Variants in UROS observed in about 807,000 individuals in gnomAD.
UROS encodes the protein uroporphyrinogen III synthase.
UROS carries 18 observed loss-of-function variants against 33.0 expected under a neutral mutation model. The ratio of observed to expected loss-of-function variants is 0.55; its 90% confidence interval spans 0.38 to 0.81. The LOEUF (loss-of-function observed/expected upper bound fraction) is 0.81, where lower values mean the gene tolerates loss of function less well. Among genes scored for constraint, UROS ranks in the 30% least tolerant of loss-of-function variants. UROS has a pLI of 0.00. For missense variants in UROS, 293 were observed against 314.9 expected, an observed-to-expected ratio of 0.93 and a Z score of 0.53; for synonymous variants, 114 against 121.1, an observed-to-expected ratio of 0.94 and a Z score of 0.38.
At chr10:125,785,121 A>C (rs1373131505), downstream of UROS, 4 of 152,266 alleles carry the variant, frequency 2.6e-5, no homozygotes, top group Non-Finnish European at 5.9e-5. Context: ...ACAAGATAGA[A>C]GTCGATATGT....
intron 6 of UROS, among the ~76,000 whole-genome samples, chr10:125,804,352 G>C (rs1348296436): frequency 3.3e-5 from 5 of 152,176 alleles, no homozygotes; most frequent in Non-Finnish European, 4.4e-5. Flanking sequence ...CCAACTCCAT[G>C]GGGGAAGAAG....
intron 5 of UROS, among the ~76,000 whole-genome samples, chr10:125,810,325 CGACAGGG>C (rs1399221684): frequency 6.6e-6 from 1 of 152,132 alleles, no homozygotes; most frequent in African/African-American, 2.4e-5. Flanking sequence ...GATTGCCTTG[CGACAGGG>C]GACGCCAGCT....
chr10:125,807,382 G>A, intron 6 of UROS, 31 bp downstream of exon 6: 1 of 1,589,916 alleles, frequency 6.3e-7, no homozygotes, highest in Non-Finnish European at 8.6e-7. Context: ...AAAATAAATG[G>A]CTTCATTTGG....
intron 1 of UROS, among the ~76,000 whole-genome samples, chr10:125,822,099 C>T (rs1003409216): frequency 6.6e-6 from 1 of 152,180 alleles, no homozygotes; most frequent in African/African-American, 2.4e-5. Context: ...ACCCACCCCC[C>T]TCATTTTACA....
intron 1 of UROS, among the ~76,000 whole-genome samples, chr10:125,821,060 G>T (rs371831842): frequency 4.6e-5 from 7 of 152,138 alleles, no homozygotes; most frequent in African/African-American, 1.7e-4. Flanking sequence ...TGAAAGATTT[G>T]CAAACTACAA....
intron 9 of UROS, chr10:125,792,750 G>A (rs913181001): frequency 6.6e-6 from 1 of 152,346 alleles, no homozygotes; most frequent in Non-Finnish European, 1.5e-5. Flanking sequence ...GACTCCTGGG[G>A]AGGGAGGACA....
At chr10:125,810,280 C>T (rs1852690083) in intron 5 of UROS, among the ~76,000 whole-genome samples, 1 of 152,202 alleles carries the variant, frequency 6.6e-6, no homozygotes, top group African/African-American at 2.4e-5. Flanking sequence ...AAGACTGTGG[C>T]TTCAGTGGTA....
chr10:125,794,807 C>A, intron 9 of UROS, 73 bp downstream of exon 9: 1 of 1,425,230 alleles, frequency 7.0e-7, no homozygotes, highest in Admixed American at 1.9e-5. Flanking sequence ...CATTGAAGCC[C>A]TAGGATAATT....
intron 6 of UROS, among the ~76,000 whole-genome samples, chr10:125,799,002 C>T (rs1336611307): frequency 2.6e-5 from 4 of 152,260 alleles, no homozygotes; most frequent in Middle Eastern, 3.4e-3. Flanking sequence ...TTTTAATGGG[C>T]GTTATTCATA....
At chr10:125,789,941 T>G (rs866605450) in intron 9 of UROS, among the ~76,000 whole-genome samples, 15 of 152,342 alleles carry the variant, frequency 9.8e-5, no homozygotes, top group Middle Eastern at 3.4e-3. Flanking sequence ...GCATTGAGAC[T>G]GTGGACCCCA....
chr10:125,817,851 G>C (rs538068410), intron 1 of UROS, among the ~76,000 whole-genome samples: 67 of 152,178 alleles, frequency 4.4e-4, no homozygotes, highest in African/African-American at 1.6e-3. Flanking sequence ...CATACACTTT[G>C]AATACGAAAA....
chr10:125,806,295 A>G (rs1852326252), intron 6 of UROS, among the ~76,000 whole-genome samples: 1 of 152,164 alleles, frequency 6.6e-6, no homozygotes, highest in Non-Finnish European at 1.5e-5. Flanking sequence ...TTCAGAAGCC[A>G]TAAAGAGACC....
intron 1 of UROS, among the ~76,000 whole-genome samples, chr10:125,818,346 A>G (rs1853541158): frequency 6.6e-6 from 1 of 152,072 alleles, no homozygotes; most frequent in Non-Finnish European, 1.5e-5. Context: ...GTTAACAAGG[A>G]GCCGGGCATA....
At position 125,788,894 on chromosome 10, in the gene UROS, C is replaced by T; in HGVS notation, c.772G>A (p.Ala258Thr). The T allele has an allele frequency of 6.3e-7, 1 of 1,599,720 alleles. No individual in the cohort carries two copies. Among genetic ancestry groups the T allele is most frequent in the Non-Finnish European group, 8.5e-7 (1 of 1,174,956 alleles). The change falls in exon 10 of 10, where the codon GCT (alanine) becomes ACT (threonine). Residue 258 changes from alanine (A) to threonine (T), a missense_variant. Physicochemically the swap from Ala to Thr is moderately conservative, Grantham distance 58. Transcript: ENST00000368797. ...CAGCAGCAGCCATGGGGCTGGAGAGCCTTCCTGATGCCAGTGGCCAGGGCT... is the reference window on the plus strand; with the variant it reads ...CAGCAGCAGCCATGGGGCTGGAGAGTCTTCCTGATGCCAGTGGCCAGGGCT... The part of the protein sequence containing the change: ...PQALATGIRK[A>T]LQPHGCC
In UROS at chr10:125,796,105, G is replaced by C. The variant is rs776366821; in HGVS notation, c.559C>G (p.Gln187Glu). ...QGNLNSYYSQ[Q>E]GVPASITFFS... ...AACCGCCCCCAAACGCCACGTACCT[G>C]CTGGGAATAGTAGCTGTTCAGGTTC... is the stretch of plus-strand genomic sequence containing the variant. Residue 187 changes from glutamine to glutamate, a missense_variant and splice_region_variant, in exon 8 of 10, where the codon CAG (glutamine) becomes GAG (glutamate). Coordinates refer to ENST00000368797, the MANE Select transcript of UROS (RefSeq NM_000375.3). 48 of 1,613,988 alleles carry C rather than the reference G, an allele frequency of 3.0e-5. 1 individual carries two copies. The highest frequency in any genetic ancestry group is 2.7e-4 in the Admixed American group (16 of 59,994).
intron 5 of UROS, among the ~76,000 whole-genome samples, chr10:125,811,815 C>A (rs1053767046): frequency 1.1e-4 from 16 of 143,786 alleles, no homozygotes; most frequent in African/African-American, 3.1e-4. Context: ...CAAAAAAAAA[C>A]AACTATGATA....
Position 125,794,986 on chromosome 10 carries a change from G to T in UROS, c.562-8C>A. 6.2e-7 allele frequency: 1 copy of T among 1,611,230 alleles called. No homozygotes were observed. The highest frequency in any genetic ancestry group is 8.5e-7 in the Non-Finnish European group (1 of 1,177,384). ...GATGCTGGCTGGAACCCCCTGTGGG[G>T]AACAGAAAACAAGATCAGTCCTTGC... On this transcript the variant is annotated splice_polypyrimidine_tract_variant and splice_region_variant and intron_variant, in intron 8 of 9. Transcript: ENST00000368797.
intron 4 of UROS, 147 bp downstream of exon 4, chr10:125,814,884 TCTC>T (rs1853160494): frequency 1.1e-5 from 10 of 882,168 alleles, no homozygotes; most frequent in Admixed American, 2.0e-5. Flanking sequence ...ATAGCCCTGT[TCTC>T]CTGTTTCCCA....
intron 6 of UROS, among the ~76,000 whole-genome samples, chr10:125,798,611 G>C (rs796219255): frequency 3.2e-4 from 48 of 152,322 alleles, no homozygotes; most frequent in African/African-American, 1.0e-3. Flanking sequence ...CGGCAGCCAG[G>C]AGTGGCTCTG....
Sources: allele counts gnomAD v4.1 joint callset (sites outside exome capture counted in the v4.1 genomes callset), GRCh38; gene constraint gnomAD v4.1.1; transcripts MANE v1.5; gene names NCBI Gene and HGNC (gene_info 2026-07-23, HGNC 2026-07-21).